Variants in DENND2A observed in about 807,000 individuals in gnomAD.
DENND2A encodes DENN domain-containing protein 2A.
Under a neutral mutation model 105.3 loss-of-function variants are expected in DENND2A, and 53 were observed. The observed-to-expected ratio is 0.50, with a 90% CI of 0.40 to 0.63. DENND2A has a LOEUF of 0.63. Among genes scored for constraint, DENND2A ranks in the 30% least tolerant of loss-of-function variants. The pLI is 0.00. For missense variants in DENND2A, 1,138 were observed against 1,279.6 expected, an observed-to-expected ratio of 0.89 and a Z score of 1.69; for synonymous variants, 522 against 508.4, an observed-to-expected ratio of 1.03 and a Z score of -0.36.
At chr7:140,639,462 G>A (rs878971956) in intron 1 of DENND2A, among the ~76,000 whole-genome samples, 7 of 151,428 alleles carry the variant, frequency 4.6e-5, no homozygotes, top group Middle Eastern at 6.8e-3. Context: ...ACACACACTC[G>A]CACACTCACA....
At position 140,601,686 on chromosome 7, in the gene DENND2A, A is replaced by C; in HGVS notation, c.712T>G (p.Ser238Ala). ...TPELVEDRKG[S>A]CRRPWDRSLE... ...CTCCGGTCCCAGGGCCTTCTGCATG[A>C]ACCTTTCCTGTCCTCCACAAGCTCA... is the stretch of plus-strand genomic sequence containing the variant. Residue 238 changes from serine to alanine, a missense_variant, in exon 3 of 20, where the codon TCA becomes GCA. By Grantham distance (99) the Ser-to-Ala change is moderately conservative. Transcript: ENST00000496613. The C allele has an allele frequency of 6.2e-7, 1 of 1,613,818 alleles. No homozygotes were observed. The highest frequency in any genetic ancestry group is 1.7e-5 in the Admixed American group (1 of 59,998).
chr7:140,563,317 C>T (rs766603756), intron 9 of DENND2A, among the ~76,000 whole-genome samples: 2 of 152,154 alleles, frequency 1.3e-5, no homozygotes, highest in African/African-American at 2.4e-5. Context: ...GAGTTATCAG[C>T]GCATACATAC....
Position 140,578,520 on chromosome 7 carries a change from A to G in DENND2A, c.1246-4512T>C, listed in dbSNP as rs551183134. Among the ~76,000 whole-genome samples the G allele has an allele frequency of 2.6e-5, 4 of 152,288 alleles. No homozygotes were observed. The South Asian group carries it at 8.3e-4, about 32-fold the overall frequency. On this transcript the variant is annotated intron_variant, in intron 5 of 19. Transcript: ENST00000496613. ...CACACAAACATACATATTTGCTCAT[A>G]TGTGCCTGTAGGTACACACATTCTT...
rs1799524873 is a variant in DENND2A at position 140,601,959 on chromosome 7, G to A, written c.439C>T (p.Leu147Phe). ...TCGTTCTGAAAGCGTAGCTTGCCAAGTCTTGGCTCTCGGCCTCGGCCCCAG... is the reference window on the plus strand; with the variant it reads ...TCGTTCTGAAAGCGTAGCTTGCCAAATCTTGGCTCTCGGCCTCGGCCCCAG... ...PSWGRGREPR[L>F]GKLRFQNDPL... The change falls in exon 3 of 20, where the codon CTT becomes TTT. Residue 147 changes from leucine (L) to phenylalanine (F), a missense_variant. Leu to Phe is a conservative substitution (Grantham distance 22). Transcript: ENST00000496613. The A allele has an allele frequency of 6.2e-7, 1 of 1,614,208 alleles. No homozygotes were observed. The highest frequency in any genetic ancestry group is 8.5e-7 in the Non-Finnish European group (1 of 1,180,030).
At chr7:140,629,292 T>C (rs1194327146) in intron 1 of DENND2A, among the ~76,000 whole-genome samples, 2 of 152,056 alleles carry the variant, frequency 1.3e-5, no homozygotes, top group Non-Finnish European at 2.9e-5. Flanking sequence ...TGGAGAAATT[T>C]GGAGGAGGAC....
chr7:140,617,506 C>CGAGG, intron 1 of DENND2A, among the ~76,000 whole-genome samples: 6 of 152,114 alleles, frequency 3.9e-5, no homozygotes, highest in Admixed American at 3.9e-4. Flanking sequence ...GGGTGGATCA[C>CGAGG]TTGAGTTCGA....
Position 140,588,766 on chromosome 7 carries a change from C to CTTTT in DENND2A, c.996-990_996-987dup, listed in dbSNP as rs34456581. Among the ~76,000 whole-genome samples the CTTTT allele has an allele frequency of 1.2e-4, 16 of 136,842 alleles. 5 individuals carry two copies. Among genetic ancestry groups the CTTTT allele is most frequent in the African/African-American group, 8.2e-5 (3 of 36,660 alleles). 89.8% of individuals were successfully genotyped at this position (136,842 alleles called of 152,430 possible). On this transcript the variant is annotated intron_variant, in intron 3 of 19. Coordinates refer to ENST00000496613, the MANE Select transcript of DENND2A (RefSeq NM_015689.5). ...CTATTCTTATCCACTTTTTTTGGCACTTTTTTTTTTTTTTTTTGAGACCTG... is the reference window on the plus strand; with the variant it reads ...CTATTCTTATCCACTTTTTTTGGCACTTTTTTTTTTTTTTTTTTTTTGAGACCTG...
At chr7:140,615,112 C>T (rs897033720) in intron 1 of DENND2A, among the ~76,000 whole-genome samples, 3 of 152,174 alleles carry the variant, frequency 2.0e-5, no homozygotes. Context: ...AGCACTCCTC[C>T]TGCTTTGCCC....
rs748534835 is a variant in DENND2A at position 140,601,635 on chromosome 7, C to G, written c.763G>C (p.Glu255Gln). ...ATGAAGGGCTTTGTGGGGGAACCCT[C>G]CGAGCCCCTATACACGTTCTCAAGG... ...RSLENVYRGS[E>Q]GSPTKPFINP... is the part of the protein sequence containing the mutation. Residue 255 changes from glutamate to glutamine, a missense_variant, in exon 3 of 20, where the codon GAG (glutamate) becomes CAG (glutamine). Coordinates refer to ENST00000496613, the MANE Select transcript of DENND2A (RefSeq NM_015689.5). 6.2e-7 allele frequency: 1 copy of G among 1,613,110 alleles called. No homozygotes were observed. The highest frequency in any genetic ancestry group is 1.3e-5 in the African/African-American group (1 of 75,008).
intron 12 of DENND2A, among the ~76,000 whole-genome samples, chr7:140,555,297 C>G (rs993272970): frequency 5.3e-5 from 8 of 151,984 alleles, no homozygotes; most frequent in Admixed American, 5.3e-4. Context: ...CCACGCCTGG[C>G]TAATTTTTTT....
chr7:140,593,607 CTGA>C (rs1366935687), intron 3 of DENND2A, among the ~76,000 whole-genome samples: 2 of 152,368 alleles, frequency 1.3e-5, no homozygotes, highest in Non-Finnish European at 2.9e-5. Context: ...TATTGCCTCT[CTGA>C]TGAGAACCAA....
intron 1 of DENND2A, among the ~76,000 whole-genome samples, chr7:140,613,355 C>T (rs1403288518): frequency 1.3e-5 from 2 of 151,836 alleles, no homozygotes; most frequent in East Asian, 3.9e-4. Flanking sequence ...GCCTGGCTAA[C>T]ATGGTGAAAC....
chr7:140,525,866 C>G (rs1796036873), intron 15 of DENND2A, 74 bp from the exon 16 acceptor site: 2 of 1,317,734 alleles, frequency 1.5e-6, no homozygotes, highest in Admixed American at 2.5e-5. Context: ...TAGCCTTCTT[C>G]CTTCTTGGCA....
Position 140,559,514 on chromosome 7 carries a change from C to T in DENND2A, c.1889+194G>A, listed in dbSNP as rs922537683. 5.3e-5 allele frequency among the ~76,000 whole-genome samples: 8 copies of T among 152,112 alleles called. No homozygotes were observed. Among genetic ancestry groups the T allele is most frequent in the African/African-American group, 1.9e-4 (8 of 41,416 alleles). On this transcript the variant is annotated intron_variant, in intron 10 of 19. Transcript: ENST00000496613. This position sits in a 1 kb window ranked among gnomAD's most constrained non-coding sequence, Gnocchi z 4.1. ...GTATCCCCAGATTGAGTGGGAAGCC[C>T]GGGAGGTCTGCATGCTGGGCAGGTG...
chr7:140,584,351 T>C (rs1484213574), intron 5 of DENND2A, among the ~76,000 whole-genome samples: 1 of 152,186 alleles, frequency 6.6e-6, no homozygotes, highest in Admixed American at 6.5e-5. Flanking sequence ...CCACTCTCAG[T>C]AGTTACAACA....
intron 1 of DENND2A, among the ~76,000 whole-genome samples, chr7:140,613,144 A>G (rs1201210648): frequency 6.6e-6 from 1 of 151,746 alleles, no homozygotes; most frequent in Non-Finnish European, 1.5e-5. Context: ...AGCTGAGTAC[A>G]GTGATGCAAG....
rs566936961 is a variant in DENND2A, at chr7:140,527,246, C to G, written c.2505+72G>C. The G allele has an allele frequency of 5.8e-5, 83 of 1,433,258 alleles. No individual in the cohort carries two copies. Among genetic ancestry groups the G allele is most frequent in the Non-Finnish European group, 5.9e-5 (64 of 1,077,470 alleles). The allele number at this position is 1,433,258 out of a possible 1,614,324, so 88.8% of individuals were successfully genotyped here. ...TGGCTCTGAGAACCGCTCCATGATG[C>G]CTGCAGAGCCAGCGCCCCGCTCTGT... On this transcript the variant is annotated intron_variant, in intron 15 of 19. Transcript: ENST00000496613. This position sits in a 1 kb window ranked among gnomAD's most constrained non-coding sequence, Gnocchi z 4.9.
At chr7:140,626,187 C>T (rs1450063810) in intron 1 of DENND2A, among the ~76,000 whole-genome samples, 1 of 152,202 alleles carries the variant, frequency 6.6e-6, no homozygotes, top group African/African-American at 2.4e-5. Context: ...AGATTAGGAA[C>T]TTGGGAAATA....
rs201039739 is a variant in DENND2A at position 140,587,716 on chromosome 7, C to A, written c.1060G>T (p.Ala354Ser). 1 of 1,613,432 alleles carries A rather than the reference C, an allele frequency of 6.2e-7. No homozygotes were observed. Among genetic ancestry groups the A allele is most frequent in the Non-Finnish European group, 8.5e-7 (1 of 1,179,466 alleles). The stretch of plus-strand genomic sequence containing the variant: ...CGTGTCAGCCCCAGCTTAGTCTGCG[C>A]GTACCAGTCCACCCTGCTGCTCTCA... ...SSESSRVDWY[A>S]QTKLGLTRTL... Residue 354 changes from alanine (A) to serine (S), a missense_variant, in exon 4 of 20, where the codon GCG becomes TCG. By Grantham distance (99) the Ala-to-Ser change is moderately conservative. Coordinates refer to ENST00000496613, the MANE Select transcript of DENND2A (RefSeq NM_015689.5).
Sources: allele counts gnomAD v4.1 joint callset (sites outside exome capture counted in the v4.1 genomes callset), GRCh38; gene constraint gnomAD v4.1.1; non-coding constraint Gnocchi (gnomAD v3.1); transcripts MANE v1.5; gene names NCBI Gene and HGNC (gene_info 2026-07-23, HGNC 2026-07-21).